The following TRAPPC9 variants were observed in gnomAD, a reference collection of about 807,000 sequenced individuals.
TRAPPC9 encodes the protein trafficking protein particle complex subunit 9.
TRAPPC9 carries 83 observed loss-of-function variants against 124.0 expected under a neutral mutation model. The ratio of observed to expected loss-of-function variants is 0.67; its 90% confidence interval spans 0.56 to 0.80. TRAPPC9 has a LOEUF of 0.80. Ranked by LOEUF, TRAPPC9 falls within the 30% of genes least tolerant of loss-of-function variation. TRAPPC9 has a pLI of 0.00. For missense variants in TRAPPC9, 1,302 were observed against 1,508.3 expected (o/e 0.86, Z 2.27); for synonymous variants, 638 against 617.5 (o/e 1.03, Z -0.49).
intron 21 of TRAPPC9, among the ~76,000 whole-genome samples, chr8:139,773,657 C>T (rs570341297): frequency 2.0e-5 from 3 of 152,276 alleles, no homozygotes; most frequent in East Asian, 1.9e-4. Context: ...AGGCATCTGC[C>T]ACCTGCCTCA....
At chr8:140,027,298 A>G (rs1840207304) in intron 17 of TRAPPC9, among the ~76,000 whole-genome samples, 1 of 152,252 alleles carries the variant, frequency 6.6e-6, no homozygotes, top group Admixed American at 6.5e-5. Flanking sequence ...TAACATATAC[A>G]CAGCATCTTT....
intron 17 of TRAPPC9, among the ~76,000 whole-genome samples, chr8:140,090,619 G>A (rs1322639092): frequency 5.9e-5 from 9 of 152,236 alleles, no homozygotes; most frequent in South Asian, 2.1e-4. Context: ...GTAGAGGTCC[G>A]GGCCAGGCCC....
At chr8:140,426,516 A>C in intron 5 of TRAPPC9, 99 bp downstream of exon 5, 1 of 1,209,804 alleles carries the variant, frequency 8.3e-7, no homozygotes, top group Non-Finnish European at 1.2e-6. Context: ...AGAATGTTCC[A>C]AAGATCATCA....
At chr8:140,422,068 A>T (rs2070235080) in intron 5 of TRAPPC9, among the ~76,000 whole-genome samples, 1 of 151,880 alleles carries the variant, frequency 6.6e-6, no homozygotes, top group Non-Finnish European at 1.5e-5. Flanking sequence ...AAAAAGCAAT[A>T]GAGTATGGTG....
intron 21 of TRAPPC9, among the ~76,000 whole-genome samples, chr8:139,830,654 C>T (rs1015324718): frequency 5.9e-5 from 9 of 152,014 alleles, no homozygotes; most frequent in African/African-American, 1.2e-4. Flanking sequence ...TACAGACATA[C>T]ACATACGAAT....
At chr8:140,191,932 C>T (rs373329895) in intron 17 of TRAPPC9, among the ~76,000 whole-genome samples, 1 of 152,192 alleles carries the variant, frequency 6.6e-6, no homozygotes, top group African/African-American at 2.4e-5. Context: ...TAACACATCA[C>T]TTACTTACTT....
intron 7 of TRAPPC9, among the ~76,000 whole-genome samples, chr8:140,373,577 C>T (rs1005213960): frequency 7.2e-5 from 11 of 151,990 alleles, no homozygotes; most frequent in African/African-American, 2.7e-4. Context: ...GCCAGCCCCA[C>T]TTTTCCTACA....
chr8:140,369,395 C>G (rs961564871), intron 8 of TRAPPC9, among the ~76,000 whole-genome samples: 1 of 152,198 alleles, frequency 6.6e-6, no homozygotes, highest in African/African-American at 2.4e-5. Flanking sequence ...TTTGCCATCG[C>G]ATCACTCACC....
At chr8:139,940,405 A>G (rs1833834653) in intron 19 of TRAPPC9, among the ~76,000 whole-genome samples, 1 of 152,226 alleles carries the variant, frequency 6.6e-6, no homozygotes, top group African/African-American at 2.4e-5. Context: ...TTCATTTTCA[A>G]TTTCATACTG....
chr8:140,225,858 C>T (rs1041298657), intron 16 of TRAPPC9, among the ~76,000 whole-genome samples: 2 of 152,160 alleles, frequency 1.3e-5, no homozygotes, highest in Non-Finnish European at 2.9e-5. Context: ...CAGCTCCTCC[C>T]GAGGGAAGGC....
At chr8:140,251,156 C>T (rs1252265905) in intron 16 of TRAPPC9, among the ~76,000 whole-genome samples, 2 of 152,204 alleles carry the variant, frequency 1.3e-5, no homozygotes, top group South Asian at 2.1e-4. Flanking sequence ...GGAGAAACCA[C>T]GGTCACCATT....
chr8:140,363,744 C>A (rs781286663), intron 8 of TRAPPC9, among the ~76,000 whole-genome samples: 5 of 151,898 alleles, frequency 3.3e-5, no homozygotes, highest in Non-Finnish European at 5.9e-5. Flanking sequence ...ATTACAGGCA[C>A]GTACCACCAT....
chr8:140,210,880 T>C (rs1285061857), intron 17 of TRAPPC9, among the ~76,000 whole-genome samples: 6 of 152,226 alleles, frequency 3.9e-5, no homozygotes, highest in Non-Finnish European at 8.8e-5. Flanking sequence ...ACTGGCATAA[T>C]ACGTGTTTTC....
In TRAPPC9 at chr8:140,184,147, GC is replaced by G. The variant is rs373412842; in HGVS notation, c.2556+37311del. On this transcript the variant is annotated intron_variant, in intron 17 of 22. Transcript: ENST00000438773. ...AAGAAAGCAGGACAGCAGTGAACCT[GC>G]ACAGAAACAGGGCAGACATATCCGT... 3.0e-3 allele frequency among the ~76,000 whole-genome samples: 457 copies of G among 152,250 alleles called. 2 individuals carry two copies. The highest frequency in any genetic ancestry group is 0.011 in the African/African-American group (441 of 41,554).
intron 9 of TRAPPC9, among the ~76,000 whole-genome samples, chr8:140,314,957 T>C (rs1255904121): frequency 6.6e-6 from 1 of 152,242 alleles, no homozygotes; most frequent in Non-Finnish European, 1.5e-5. Context: ...ATATGCTCAG[T>C]AGCGGAATGG....
chr8:140,260,792 G>C (rs1275228349), intron 15 of TRAPPC9, among the ~76,000 whole-genome samples: 2 of 152,206 alleles, frequency 1.3e-5, no homozygotes, highest in East Asian at 3.8e-4. Flanking sequence ...ACAGAACCAA[G>C]AGTCAGATCC....
chr8:140,457,505 G>T, intron 1 of TRAPPC9, 134 bp downstream of exon 1: 1 of 737,144 alleles, frequency 1.4e-6, no homozygotes. Context: ...GGACAGGTGT[G>T]GCGGGCTCCG....
At chr8:140,221,691 G>A (rs1320317896) in intron 16 of TRAPPC9, 108 bp from the exon 17 acceptor site, 2 of 1,421,426 alleles carry the variant, frequency 1.4e-6, no homozygotes. Flanking sequence ...AAGCTGGAGT[G>A]CAGTGGTGCA....
At chr8:140,091,190 A>G (rs1226051156) in intron 17 of TRAPPC9, among the ~76,000 whole-genome samples, 1 of 152,150 alleles carries the variant, frequency 6.6e-6, no homozygotes, top group East Asian at 1.9e-4. Context: ...GCCTGGCCCC[A>G]TGCATGTCGC....
Sources: allele counts gnomAD v4.1 joint callset (sites outside exome capture counted in the v4.1 genomes callset), GRCh38; gene constraint gnomAD v4.1.1; transcripts MANE v1.5; gene names NCBI Gene and HGNC (gene_info 2026-07-23, HGNC 2026-07-21).